SPOCD1: variants seen among roughly 807,000 people sequenced by gnomAD.
SPOCD1 encodes the protein SPOC domain-containing protein 1.
Under a neutral mutation model 92.2 loss-of-function variants are expected in SPOCD1, and 64 were observed. The ratio of observed to expected loss-of-function variants is 0.69; its 90% CI spans 0.57 to 0.86. SPOCD1 has a LOEUF of 0.86. SPOCD1 is among the 40% of genes least tolerant of loss of function. The probability of loss-of-function intolerance (pLI) is 0.00; values close to 1 mark genes in which losing one functional copy is unlikely to be tolerated. For synonymous variants in SPOCD1, 578 were observed against 619.3 expected, an observed-to-expected ratio of 0.93 and a Z score of 0.99; for missense variants, 1,360 against 1,543.1, an observed-to-expected ratio of 0.88 and a Z score of 1.99.
At chr1:31,803,767 G>A (rs1648629543) in intron 2 of SPOCD1, among the ~76,000 whole-genome samples, 2 of 145,860 alleles carry the variant, frequency 1.4e-5, no homozygotes, top group South Asian at 4.3e-4. Context: ...AAGGAGAGGA[G>A]AAGAAAAGAA....
Position 31,814,352 on chromosome 1 carries a change from G to C in SPOCD1, c.982C>G (p.Leu328Val), listed in dbSNP as rs755257069. 9 of 1,598,504 alleles carry C rather than the reference G, an allele frequency of 5.6e-6. No individual in the cohort carries two copies. The highest frequency in any genetic ancestry group is 1.3e-5 in the African/African-American group (1 of 74,620). The change falls in exon 2 of 16, where the codon CTG (leucine) becomes GTG (valine). Residue 328 changes from leucine to valine, a missense_variant. Physicochemically the swap from Leu to Val is conservative, Grantham distance 32. Transcript: ENST00000360482. The surrounding 1 kb of genome is among the most constrained non-coding windows in gnomAD (Gnocchi z 4.2). ...AAQAPPQSAA[L>V]CLGASAQASA... Reference sequence around the variant, plus strand: ...GCCTGTGCTGACGCCCCCAGGCACAGTGCTGCGCTCTGTGGAGGAGCCTGT... The same window carrying C: ...GCCTGTGCTGACGCCCCCAGGCACACTGCTGCGCTCTGTGGAGGAGCCTGT...
chr1:31,793,888 G>A lies in SPOCD1; in HGVS notation c.2393C>T (p.Pro798Leu), dbSNP rs1462954648. The change falls in exon 12 of 16, where the codon CCC becomes CTC. Residue 798 changes from proline (P) to leucine (L), a missense_variant. By Grantham distance (98) the Pro-to-Leu change is moderately conservative (BLOSUM62 -3). Transcript: ENST00000360482. ...PNCHICKDWE[P>L]SNELLGSFEA... ...GAAGGAGCCTAGCAGCTCATTCGAG[G>A]GCTCCCAGTCTGCAAATAGCAGAGG... is the stretch of plus-strand genomic sequence containing the variant. The A allele has an allele frequency of 8.7e-6, 14 of 1,611,824 alleles. No individual in the cohort carries two copies. The highest frequency in any genetic ancestry group is 1.2e-5 in the Non-Finnish European group (14 of 1,178,314).
intron 12 of SPOCD1, 98 bp from the exon 13 acceptor site, chr1:31,793,526 T>G: frequency 6.6e-7 from 1 of 1,524,002 alleles, no homozygotes; most frequent in South Asian, 1.2e-5. Context: ...GTCCCTACTG[T>G]GGGGACTGGA....
rs184559411 is a variant in SPOCD1, at chr1:31,802,991, G to C, written c.1384-1286C>G. Among the ~76,000 whole-genome samples the C allele has an allele frequency of 2.0e-5, 3 of 147,902 alleles. No homozygotes were observed. In the East Asian group the frequency reaches 5.9e-4, roughly 29 times the overall value. ...TCAGCCTTTCAAAAAAGTAAACTGAGAAAGAGGCAGAAAAAAAAAAAACAA... is the reference window on the plus strand; with the variant it reads ...TCAGCCTTTCAAAAAAGTAAACTGACAAAGAGGCAGAAAAAAAAAAAACAA... On this transcript the variant is annotated intron_variant, in intron 2 of 15. Transcript: ENST00000360482.
chr1:31,796,681 G>A lies in SPOCD1; in HGVS notation c.2180C>T (p.Pro727Leu), dbSNP rs761121820. The change falls in exon 10 of 16, where the codon CCG (proline) becomes CTG (leucine). Residue 727 changes from proline to leucine, a missense_variant. Coordinates refer to ENST00000360482, the MANE Select transcript of SPOCD1 (RefSeq NM_144569.7). ...LNIIEQQQKE[P>L]CRLPASKMTH... Reference sequence around the variant, plus strand: ...CATTTTGGAGGCTGGAAGTCTGCACGGCTCCTTCTGTTGCTGCTCAATGAT... The same window carrying A: ...CATTTTGGAGGCTGGAAGTCTGCACAGCTCCTTCTGTTGCTGCTCAATGAT... 45 of 1,614,088 alleles carry A rather than the reference G, an allele frequency of 2.8e-5. No individual in the cohort carries two copies. Among genetic ancestry groups the A allele is most frequent in the Non-Finnish European group, 3.2e-5 (38 of 1,180,046 alleles).
At chr1:31,797,315 G>T (rs1355709951) in intron 9 of SPOCD1, among the ~76,000 whole-genome samples, 1 of 152,194 alleles carries the variant, frequency 6.6e-6, no homozygotes, top group Non-Finnish European at 1.5e-5. Context: ...GCTCCTCTCT[G>T]GTGGGATCAG....
chr1:31,811,525 A>C (rs1649196905), intron 2 of SPOCD1, among the ~76,000 whole-genome samples: 1 of 152,192 alleles, frequency 6.6e-6, no homozygotes, highest in Non-Finnish European at 1.5e-5. Flanking sequence ...AAGAAAAAAA[A>C]GTTAAACTCA....
chr1:31,805,315 A>T (rs556857032), intron 2 of SPOCD1, among the ~76,000 whole-genome samples: 46 of 152,252 alleles, frequency 3.0e-4, no homozygotes, highest in African/African-American at 1.1e-3. Context: ...CCACCAAAAA[A>T]ATATAAACTG....
chr1:31,792,333 T>G lies in SPOCD1; in HGVS notation c.2844A>C (p.Ser948=), dbSNP rs572816296. Residue 948 remains serine (S), a synonymous_variant, in exon 15 of 16, where the codon TCA becomes TCC. Transcript: ENST00000360482. The part of the protein sequence containing the change: ...RDTQNCRLLY[S]YLNDRQRHGL... Reference sequence around the variant, plus strand: ...CGTGGCGCTGCCTATCATTGAGGTATGAGTAGAGCAGGCGGCAGTTCTGGG... The same window carrying G: ...CGTGGCGCTGCCTATCATTGAGGTAGGAGTAGAGCAGGCGGCAGTTCTGGG... 5.6e-6 allele frequency: 9 copies of G among 1,613,960 alleles called. No individual in the cohort carries two copies. The highest frequency in any genetic ancestry group is 5.5e-5 in the South Asian group (5 of 91,066).
chr1:31,801,829 T>C, intron 2 of SPOCD1, 124 bp from the exon 3 acceptor site: 2 of 829,392 alleles, frequency 2.4e-6, no homozygotes, highest in South Asian at 1.5e-5. Flanking sequence ...TGAGTTGTAC[T>C]TACAGCAAAA....
At chr1:31,796,205 G>C in intron 10 of SPOCD1, 3 of 347,550 alleles carry the variant, frequency 8.6e-6, no homozygotes, top group South Asian at 6.9e-5. Flanking sequence ...CCAATCCACT[G>C]AATACAGTGG....
In SPOCD1 at chr1:31,800,433, T is replaced by C. The variant is rs1357544312; in HGVS notation, c.1602+8A>G. On this transcript the variant is annotated splice_region_variant and intron_variant, in intron 4 of 15. Coordinates refer to ENST00000360482, the MANE Select transcript of SPOCD1 (RefSeq NM_144569.7). ...CAGCAGGATTAAATGACATCACTTG[T>C]TCTGTACCTGGCACCCAGCAGGGCC... The C allele has an allele frequency of 6.4e-7, 1 of 1,564,760 alleles. No homozygotes were observed. The highest frequency in any genetic ancestry group is 1.9e-5 in the Admixed American group (1 of 52,736).
At chr1:31,792,630 G>T in intron 14 of SPOCD1, 48 bp downstream of exon 14, 1 of 1,438,350 alleles carries the variant, frequency 7.0e-7, no homozygotes, top group Non-Finnish European at 9.5e-7. Flanking sequence ...GAGGGAGGTG[G>T]GAGTAAGGTA....
intron 2 of SPOCD1, among the ~76,000 whole-genome samples, chr1:31,803,868 AGAAGGAAGGAAGGAAGAAAG>A (rs1557826229): frequency 6.6e-6 from 1 of 151,836 alleles, no homozygotes. Context: ...GTAGGAAGAA[AGAAGGAAGGAAGGAAGAAAG>A]GAAGGAAGGA....
At chr1:31,799,745 C>T (rs1305985082) in intron 6 of SPOCD1, 64 bp downstream of exon 6, 7 of 1,587,078 alleles carry the variant, frequency 4.4e-6, no homozygotes, top group Non-Finnish European at 6.0e-6. Context: ...GGAGCTGGGC[C>T]TGAGTCCTCC....
At position 31,815,276 on chromosome 1, in the gene SPOCD1, G is replaced by T. The variant is rs1649489792; in HGVS notation, c.58C>A (p.Gln20Lys). The change falls in exon 2 of 16, where the codon CAA becomes AAA. Residue 20 changes from glutamine to lysine, a missense_variant. Around this residue, in one of 3 missense-constraint regions of SPOCD1, gnomAD observed 140 missense variants for 183.8 expected, o/e 0.76. Coordinates refer to ENST00000360482, the MANE Select transcript of SPOCD1 (RefSeq NM_144569.7). ...PSTGDPVLSP[Q>K]HNCELLQNME... is the part of the protein sequence containing the mutation. ...TTCTGTAAAAGCTCACAGTTGTGTT[G>T]GGGACTGAGCACAGGGTCTCCTGTG... 1.9e-6 allele frequency: 3 copies of T among 1,595,246 alleles called. No homozygotes were observed. The highest frequency in any genetic ancestry group is 1.3e-5 in the African/African-American group (1 of 74,552).
chr1:31,792,326 T>G lies in SPOCD1; in HGVS notation c.2851A>C (p.Asn951His). Residue 951 changes from asparagine (N) to histidine (H), a missense_variant, in exon 15 of 16, where the codon AAT (asparagine) becomes CAT (histidine). Physicochemically the swap from Asn to His is moderately conservative, Grantham distance 68. This residue lies in a region of SPOCD1 where 614 missense variants were observed against 757.8 expected (regional missense o/e 0.81). Coordinates refer to ENST00000360482, the MANE Select transcript of SPOCD1 (RefSeq NM_144569.7). ...QNCRLLYSYL[N>H]DRQRHGLASV... ...GCCAGCCCGTGGCGCTGCCTATCAT[T>G]GAGGTATGAGTAGAGCAGGCGGCAG... The G allele has an allele frequency of 1.2e-6, 2 of 1,613,890 alleles. No individual in the cohort carries two copies. Among genetic ancestry groups the G allele is most frequent in the Non-Finnish European group, 1.7e-6 (2 of 1,179,988 alleles).
At chr1:31,801,392 T>G (rs1648455315) in intron 3 of SPOCD1, among the ~76,000 whole-genome samples, 1 of 152,204 alleles carries the variant, frequency 6.6e-6, no homozygotes, top group Non-Finnish European at 1.5e-5. Flanking sequence ...TTCTTTTCAT[T>G]TATTGCAAAC....
Position 31,800,048 on chromosome 1 carries a change from C to CA in SPOCD1, c.1695dup (p.Gly566TrpfsTer18), listed in dbSNP as rs765093503. On this transcript the variant is annotated frameshift_variant, in exon 5 of 16. Coordinates refer to ENST00000360482, the MANE Select transcript of SPOCD1 (RefSeq NM_144569.7). LOFTEE classifies it high-confidence loss of function. ...CATGCAGGGTCCGAGCTGGGGTCGC[C>CA]AAGGGCCAGGGAACCGCTTCTTGGA... 2.5e-6 allele frequency: 4 copies of CA among 1,611,056 alleles called. No homozygotes were observed. The Admixed American group carries it at 6.8e-5, about 27-fold the overall frequency.
Sources: allele counts gnomAD v4.1 joint callset (sites outside exome capture counted in the v4.1 genomes callset), GRCh38; gene constraint gnomAD v4.1.1; regional missense constraint gnomAD v4.1.1; non-coding constraint Gnocchi (gnomAD v3.1); transcripts MANE v1.5; gene names NCBI Gene and HGNC (gene_info 2026-07-23, HGNC 2026-07-21).